SKA3: variants seen among roughly 807,000 people sequenced by gnomAD.
SKA3 encodes the protein spindle and kinetochore-associated protein 3.
SKA3 carries 39 observed loss-of-function variants against 44.2 expected under a neutral mutation model. The observed-to-expected ratio is 0.88, with a 90% CI of 0.68 to 1.15. The LOEUF (loss-of-function observed/expected upper bound fraction) is 1.15, where lower values mean the gene tolerates loss of function less well. SKA3 is among the 50% of genes most tolerant of loss of function. The pLI is 0.00. For missense variants in SKA3, 511 were observed against 485.8 expected, an observed-to-expected ratio of 1.05 and a Z score of -0.49; for synonymous variants, 192 against 172.0, an observed-to-expected ratio of 1.12 and a Z score of -0.91.
At chr13:21,158,960 G>A (rs1301557636) in intron 6 of SKA3, among the ~76,000 whole-genome samples, 1 of 152,150 alleles carries the variant, frequency 6.6e-6, no homozygotes, top group African/African-American at 2.4e-5. Flanking sequence ...GTAAATGGCA[G>A]GTACTAACAG....
At chr13:21,156,186 A>T (rs886071974) in intron 7 of SKA3, among the ~76,000 whole-genome samples, 1 of 3,738 alleles carries the variant, frequency 2.7e-4, no homozygotes, top group African/African-American at 5.3e-4. Context: ...GACTTGGTCT[A>T]AAAAAAAAAA....
At position 21,157,949 on chromosome 13, in the gene SKA3, T is replaced by G; in HGVS notation, c.1092A>C (p.Val364=). ...GGAGAATATCTTCTGGAATTTTAGT[T>G]ACTTCCGGAGGTGTAGGTGTTCTGA... ...NLLRTPTPPE[V]TKIPEDILQL... The change falls in exon 7 of 9, where the codon GTA becomes GTC. Residue 364 remains valine (V), a synonymous_variant. Coordinates refer to ENST00000314759, the MANE Select transcript of SKA3 (RefSeq NM_145061.6). The G allele has an allele frequency of 6.2e-7, 1 of 1,605,056 alleles. No homozygotes were observed. The highest frequency in any genetic ancestry group is 8.5e-7 in the Non-Finnish European group (1 of 1,176,514).
chr13:21,164,150 C>G (rs6490645), intron 4 of SKA3, among the ~76,000 whole-genome samples: 139,927 of 152,266 alleles, frequency 0.92, 64,565 homozygotes, highest in East Asian at 1. Flanking sequence ...TTTTTAAAAC[C>G]TGTTATGTAT....
At chr13:21,165,083 A>G (rs1870635292) in intron 4 of SKA3, among the ~76,000 whole-genome samples, 1 of 151,746 alleles carries the variant, frequency 6.6e-6, no homozygotes, top group Admixed American at 6.6e-5. Flanking sequence ...ATCTATCTAT[A>G]TTTTATGTTG....
rs1047440527 is a variant in SKA3 at position 21,154,635 on chromosome 13, A to T, written c.*515T>A. On this transcript the variant is annotated 3_prime_UTR_variant, in exon 9 of 9. Coordinates refer to ENST00000314759, the MANE Select transcript of SKA3 (RefSeq NM_145061.6). ...CAGTATATAGTTACCCAGGCCTGGA[A>T]ATCTCCCTCTTTTCCTAATTAGTTT... The T allele has an allele frequency of 6.0e-6, 1 of 167,286 alleles. No homozygotes were observed. Among genetic ancestry groups the T allele is most frequent in the African/African-American group, 2.4e-5 (1 of 41,544 alleles). 10.4% of individuals were successfully genotyped at this position (167,286 alleles called of 1,614,324 possible).
intron 6 of SKA3, among the ~76,000 whole-genome samples, chr13:21,158,783 A>G (rs1473359950): frequency 2.0e-5 from 3 of 152,228 alleles, no homozygotes; most frequent in Non-Finnish European, 2.9e-5. Flanking sequence ...GCACTCCCAA[A>G]AGGAAGAAAG....
intron 7 of SKA3, among the ~76,000 whole-genome samples, chr13:21,156,408 C>A (rs1401681166): frequency 6.6e-6 from 1 of 151,958 alleles, no homozygotes; most frequent in African/African-American, 2.4e-5. Context: ...AAAGGAAGGT[C>A]ATCAATTATA....
intron 3 of SKA3, among the ~76,000 whole-genome samples, chr13:21,169,690 A>T (rs1870929472): frequency 1.3e-5 from 2 of 152,016 alleles, no homozygotes; most frequent in African/African-American, 2.4e-5. Context: ...TTCCTTTACC[A>T]CCTGAGACAC....
chr13:21,164,216 C>T (rs1216913010), intron 4 of SKA3, among the ~76,000 whole-genome samples: 2 of 152,106 alleles, frequency 1.3e-5, no homozygotes, highest in Non-Finnish European at 2.9e-5. Context: ...TTTCCTGCTT[C>T]GTCATTGGTC....
intron 3 of SKA3, among the ~76,000 whole-genome samples, chr13:21,169,918 G>A (rs1376175526): frequency 5.3e-5 from 8 of 152,156 alleles, no homozygotes; most frequent in South Asian, 2.1e-4. Flanking sequence ...GATTACAGGC[G>A]TGAGCCACTG....
chr13:21,163,716 C>T (rs1870559640), intron 4 of SKA3, among the ~76,000 whole-genome samples: 2 of 152,146 alleles, frequency 1.3e-5, no homozygotes, highest in Admixed American at 1.3e-4. Flanking sequence ...CCTTCATTAC[C>T]TGCAAGGCTA....
intron 8 of SKA3, 50 bp from the exon 9 acceptor site, chr13:21,155,200 TTAAGACAAATGACACA>T: frequency 5.9e-6 from 8 of 1,344,974 alleles, no homozygotes; most frequent in Non-Finnish European, 7.9e-6. Context: ...TTAAAAGCCA[TTAAGACAAATGACACA>T]ATACTGTGGC....
chr13:21,163,609 CT>C (rs202074848), intron 4 of SKA3, among the ~76,000 whole-genome samples: 2,389 of 152,210 alleles, frequency 0.016, 34 homozygotes, highest in Middle Eastern at 0.041. Context: ...ATTAATAAGC[CT>C]AGTTAAAACT....
chr13:21,169,554 C>T (rs1870923247), intron 3 of SKA3, among the ~76,000 whole-genome samples: 1 of 152,140 alleles, frequency 6.6e-6, no homozygotes, highest in Non-Finnish European at 1.5e-5. Flanking sequence ...TATAAAACTT[C>T]CCTTCAGCCT....
In SKA3 at chr13:21,153,885, C is replaced by G. The variant is rs1445418132; in HGVS notation, c.*1265G>C. On this transcript the variant is annotated 3_prime_UTR_variant, in exon 9 of 9. Transcript: ENST00000314759. ...ATGGCATACATAAGGCTGACTACAG[C>G]TTTACTTTGAAAAACAAAACTAAGT... 1 of 152,182 alleles carries G rather than the reference C, an allele frequency of 6.6e-6. No homozygotes were observed. Among genetic ancestry groups the G allele is most frequent in the Non-Finnish European group, 1.5e-5 (1 of 68,038 alleles). The allele number at this position is 152,182 out of a possible 1,614,324, so 9.4% of individuals were successfully genotyped here. A position where few individuals can be genotyped will look rare whatever the true frequency, so the allele number is the denominator to read the frequency against.
At chr13:21,170,338 C>G (rs749439304) in intron 3 of SKA3, among the ~76,000 whole-genome samples, 2 of 152,022 alleles carry the variant, frequency 1.3e-5, no homozygotes, top group Non-Finnish European at 2.9e-5. Context: ...CGCCACCACA[C>G]CCAGCTAATT....
At position 21,170,089 on chromosome 13, in the gene SKA3, T is replaced by A. The variant is rs529328958; in HGVS notation, c.332-1690A>T. Among the ~76,000 whole-genome samples, 6 of 152,204 alleles carry A rather than the reference T, an allele frequency of 3.9e-5. No homozygotes were observed. The South Asian group carries it at 1.2e-3, about 32-fold the overall frequency. ...TAAAGATAAGTTTGTATCCTTAGTCTGGAACACCTATATAAAACACCTAGT... is the reference window on the plus strand; with the variant it reads ...TAAAGATAAGTTTGTATCCTTAGTCAGGAACACCTATATAAAACACCTAGT... On this transcript the variant is annotated intron_variant, in intron 3 of 8. Coordinates refer to ENST00000314759, the MANE Select transcript of SKA3 (RefSeq NM_145061.6).
chr13:21,157,981 T>A lies in SKA3; in HGVS notation c.1060A>T (p.Asn354Tyr). ...GGAGGTGTAGGTGTTCTGAGCAGAT[T>A]CTCATAAGAAGAAATCGTAGGTGAA... ...PSSPTISSYE[N>Y]LLRTPTPPEV... Residue 354 changes from asparagine to tyrosine, a missense_variant, in exon 7 of 9, where the codon AAT becomes TAT. Asn to Tyr is a moderately radical substitution (Grantham distance 143, BLOSUM62 -2). Coordinates refer to ENST00000314759, the MANE Select transcript of SKA3 (RefSeq NM_145061.6). 1 of 1,613,374 alleles carries A rather than the reference T, an allele frequency of 6.2e-7. No individual in the cohort carries two copies. The highest frequency in any genetic ancestry group is 8.5e-7 in the Non-Finnish European group (1 of 1,179,516).
At position 21,168,140 on chromosome 13, in the gene SKA3, T is replaced by G. The variant is rs748212075; in HGVS notation, c.591A>C (p.Leu197=). The part of the protein sequence containing the change: ...VIVTPPTKQS[L]VKVLKTPKCA... ...ATTTTGGAGTTTTTAGTACTTTTAC[T>G]AGTGATTGTTTGGTAGGTGGGGTTA... The change falls in exon 4 of 9, where the codon CTA becomes CTC. Residue 197 remains leucine, a synonymous_variant. Coordinates refer to ENST00000314759, the MANE Select transcript of SKA3 (RefSeq NM_145061.6). The G allele has an allele frequency of 6.2e-6, 10 of 1,614,118 alleles. No homozygotes were observed. The Admixed American group carries it at 1.3e-4, about 22-fold the overall frequency.
Sources: gnomAD v4.1 joint callset for allele counts (sites outside exome capture counted in the v4.1 genomes callset) on GRCh38, gnomAD v4.1.1 for gene constraint, MANE v1.5 for transcripts, NCBI Gene and HGNC (gene_info 2026-07-23, HGNC 2026-07-21) for gene names.